TMEM181: variants seen among roughly 807,000 people sequenced by gnomAD.
TMEM181 encodes the protein G protein-coupled receptor 178.
Under a neutral mutation model 71.9 loss-of-function variants are expected in TMEM181, and 39 were observed. That is an observed-to-expected ratio of 0.54 (90% CI 0.42 to 0.71). The LOEUF (loss-of-function observed/expected upper bound fraction) is 0.71, where lower values mean the gene tolerates loss of function less well. TMEM181 is among the 30% of genes least tolerant of loss of function. The probability of loss-of-function intolerance (pLI) is 0.00; values close to 1 mark genes in which losing one functional copy is unlikely to be tolerated. For missense variants in TMEM181, 595 were observed against 583.0 expected (o/e 1.02, Z -0.21); for synonymous variants, 245 against 228.8 (o/e 1.07, Z -0.64).
chr6:158,574,762 CCTGTCTGT>C (rs958051658), intron 2 of TMEM181, among the ~76,000 whole-genome samples: 18 of 152,126 alleles, frequency 1.2e-4, no homozygotes, highest in Non-Finnish European at 2.6e-4. Flanking sequence ...GCCTGTCTAT[CCTGTCTGT>C]CTGTCTGTCC....
At chr6:158,613,841 A>C (rs1187340254) in intron 10 of TMEM181, among the ~76,000 whole-genome samples, 6 of 152,252 alleles carry the variant, frequency 3.9e-5, no homozygotes. Flanking sequence ...ACATCTTTAA[A>C]TCCTAATATT....
intron 10 of TMEM181, among the ~76,000 whole-genome samples, chr6:158,615,867 A>G (rs907137693): frequency 3.3e-5 from 5 of 152,212 alleles, no homozygotes; most frequent in African/African-American, 1.2e-4. Context: ...TACCAGTACC[A>G]TGCTGTTTTG....
rs1786802552 is a variant in TMEM181 at position 158,633,968 on chromosome 6, T to A, written c.*2080T>A. Reference sequence around the variant, plus strand: ...AATTGTCCATGATTTTGGAATGCTGTTATTTATCAGTAAATGTAAAATATT... The same window carrying A: ...AATTGTCCATGATTTTGGAATGCTGATATTTATCAGTAAATGTAAAATATT... On this transcript the variant is annotated 3_prime_UTR_variant, in exon 17 of 17. Transcript: ENST00000684151. 1 of 152,214 alleles carries A rather than the reference T, an allele frequency of 6.6e-6. No individual in the cohort carries two copies. Among genetic ancestry groups the A allele is most frequent in the South Asian group, 2.1e-4 (1 of 4,836 alleles). The allele number at this position is 152,214 out of a possible 1,614,324, so 9.4% of individuals were successfully genotyped here. A position where few individuals can be genotyped will look rare whatever the true frequency, so the allele number is the denominator to read the frequency against.
intron 13 of TMEM181, 45 bp from the exon 14 acceptor site, chr6:158,628,363 T>A: frequency 6.3e-7 from 1 of 1,590,084 alleles, no homozygotes; most frequent in Non-Finnish European, 8.6e-7. Flanking sequence ...TAGTGCCGTT[T>A]TCGTGCATGT....
chr6:158,574,233 A>G (rs1423050993), intron 2 of TMEM181, among the ~76,000 whole-genome samples: 1 of 152,188 alleles, frequency 6.6e-6, no homozygotes, highest in Non-Finnish European at 1.5e-5. Context: ...GTTAGGCTTA[A>G]CCTGTCCCAG....
rs1235371517 is a variant in TMEM181 at position 158,560,199 on chromosome 6, C to A, written c.-26C>A. The A allele has an allele frequency of 3.0e-5, 30 of 984,888 alleles. No individual in the cohort carries two copies. The highest frequency in any genetic ancestry group is 2.9e-5 in the Non-Finnish European group (24 of 829,730). The allele number at this position is 984,888 out of a possible 1,614,324, so 61.0% of individuals were successfully genotyped here. A position where few individuals can be genotyped will look rare whatever the true frequency, so the allele number is the denominator to read the frequency against. On this transcript the variant is annotated 5_prime_UTR_variant, in exon 1 of 17. Transcript: ENST00000684151. ...CCTGGCGGGCTCGGGACGCGCGGGC[C>A]GGGGCCGAGGGCTCTGGGCGCCGAG...
intron 6 of TMEM181, among the ~76,000 whole-genome samples, chr6:158,604,525 C>A (rs1784840474): frequency 6.6e-6 from 1 of 152,294 alleles, no homozygotes; most frequent in East Asian, 1.9e-4. Flanking sequence ...GGTGGCTAGC[C>A]TCTGCTCTGC....
chr6:158,553,511 A>G (rs190069298), intron 1 of TMEM181, among the ~76,000 whole-genome samples: 15 of 152,370 alleles, frequency 9.8e-5, no homozygotes, highest in African/African-American at 2.9e-4. Flanking sequence ...TTTTTATTAA[A>G]CCAACAATAT....
upstream of TMEM181, chr6:158,559,968 A>C: frequency 2.5e-6 from 2 of 801,504 alleles, no homozygotes; most frequent in African/African-American, 1.9e-5. Flanking sequence ...CCGCCCCGGC[A>C]CGGGGCCACG....
At chr6:158,605,204 GTGTA>G in intron 6 of TMEM181, 59 bp from the exon 7 acceptor site, 1 of 1,211,168 alleles carries the variant, frequency 8.3e-7, no homozygotes, top group South Asian at 1.2e-5. Context: ...TAGTAATCTG[GTGTA>G]TTTTCTCTTA....
chr6:158,567,164 C>T (rs558448391), intron 1 of TMEM181, among the ~76,000 whole-genome samples: 1 of 152,222 alleles, frequency 6.6e-6, no homozygotes, highest in African/African-American at 2.4e-5. Context: ...GCTGCATGGG[C>T]CAGGAGGGGA....
chr6:158,544,314 G>A (rs1415004821), intron 1 of TMEM181, among the ~76,000 whole-genome samples: 1 of 151,802 alleles, frequency 6.6e-6, no homozygotes, highest in Non-Finnish European at 1.5e-5. Context: ...AGCGCATCCT[G>A]GCTTGAAAGT....
chr6:158,577,274 A>T (rs1783219342), intron 2 of TMEM181, among the ~76,000 whole-genome samples: 1 of 152,160 alleles, frequency 6.6e-6, no homozygotes, highest in Non-Finnish European at 1.5e-5. Flanking sequence ...AAAAAGATAG[A>T]AAACCTAAAA....
intron 2 of TMEM181, among the ~76,000 whole-genome samples, chr6:158,577,986 A>G (rs187767773): frequency 3.2e-3 from 494 of 152,308 alleles, no homozygotes; most frequent in African/African-American, 0.011. Flanking sequence ...GCTACTTGGG[A>G]GGCTGAGGCA....
intron 5 of TMEM181, among the ~76,000 whole-genome samples, chr6:158,589,443 A>G (rs941584341): frequency 6.6e-6 from 1 of 152,202 alleles, no homozygotes; most frequent in African/African-American, 2.4e-5. Context: ...CAAAGTAGAA[A>G]GATTCTAATT....
chr6:158,590,736 G>A (rs962342803), intron 6 of TMEM181, among the ~76,000 whole-genome samples: 3 of 152,190 alleles, frequency 2.0e-5, no homozygotes, highest in Non-Finnish European at 4.4e-5. Flanking sequence ...TGCTGGGATT[G>A]CAGGCGTGAG....
chr6:158,549,955 T>G (rs1781666375), intron 1 of TMEM181, among the ~76,000 whole-genome samples: 1 of 149,246 alleles, frequency 6.7e-6, no homozygotes, highest in Non-Finnish European at 1.5e-5. Flanking sequence ...GTCAGGACTT[T>G]TTTTTTTTTT....
intron 1 of TMEM181, among the ~76,000 whole-genome samples, chr6:158,560,840 G>T (rs1381503926): frequency 4.0e-5 from 6 of 150,910 alleles, no homozygotes; most frequent in African/African-American, 7.3e-5. Flanking sequence ...TTACCTCTTT[G>T]AAGTCCAGGG....
In TMEM181 at chr6:158,589,760, C is replaced by G. The variant is rs1479180583; in HGVS notation, c.470C>G (p.Pro157Arg). Residue 157 changes from proline (P) to arginine (R), a missense_variant, in exon 6 of 17, where the codon CCC becomes CGC. Transcript: ENST00000684151. ...VIVGFEHLKL[P>R]IKGMNFTWKT... is the part of the protein sequence containing the mutation. The stretch of plus-strand genomic sequence containing the variant: ...GTGGGATTTGAACACCTGAAGCTCC[C>G]CATCAAGGGAATGAACTTCACAGTA... The G allele has an allele frequency of 3.7e-6, 6 of 1,613,692 alleles. No individual in the cohort carries two copies. The highest frequency in any genetic ancestry group is 4.5e-5 in the East Asian group (2 of 44,900).
Sources: allele counts gnomAD v4.1 joint callset (sites outside exome capture counted in the v4.1 genomes callset), GRCh38; gene constraint gnomAD v4.1.1; transcripts MANE v1.5; gene names NCBI Gene and HGNC (gene_info 2026-07-23, HGNC 2026-07-21).